The following CNTN5 variants were observed in gnomAD, a reference collection of about 807,000 sequenced individuals.
The protein encoded by CNTN5 is contactin-5.
CNTN5 carries 77 observed loss-of-function variants against 129.1 expected under a neutral mutation model. The ratio of observed to expected loss-of-function variants is 0.60; its 90% CI spans 0.50 to 0.72. CNTN5 has a LOEUF of 0.72. CNTN5 is among the 30% of genes least tolerant of loss of function. CNTN5 has a pLI of 0.00. For missense variants in CNTN5, 1,478 were observed against 1,328.8 expected (o/e 1.11, Z -1.75); for synonymous variants, 509 against 465.6 (o/e 1.09, Z -1.20).
intron 2 of CNTN5, among the ~76,000 whole-genome samples, chr11:99,339,759 G>A (rs989752977): frequency 1.8e-4 from 27 of 148,468 alleles, no homozygotes; most frequent in African/African-American, 6.0e-4. Context: ...TCCAGCCTGC[G>A]CTACAGAGTG....
intron 9 of CNTN5, among the ~76,000 whole-genome samples, chr11:100,058,012 C>A (rs887609605): frequency 6.6e-6 from 1 of 152,040 alleles, no homozygotes; most frequent in Non-Finnish European, 1.5e-5. Context: ...GCAGAGCTAC[C>A]TCTATACCCA....
At chr11:99,670,313 A>G (rs1474731413) in intron 3 of CNTN5, among the ~76,000 whole-genome samples, 2 of 152,182 alleles carry the variant, frequency 1.3e-5, no homozygotes, top group East Asian at 3.9e-4. Context: ...GGCTATTTAA[A>G]GAAATCCCCA....
At chr11:99,924,140 G>T (rs1157993142) in intron 7 of CNTN5, among the ~76,000 whole-genome samples, 1 of 152,184 alleles carries the variant, frequency 6.6e-6, no homozygotes, top group Non-Finnish European at 1.5e-5. Flanking sequence ...GCTGGTATAA[G>T]ATGGTATCTC....
At chr11:99,906,348 G>C (rs996708134) in intron 6 of CNTN5, among the ~76,000 whole-genome samples, 13 of 152,032 alleles carry the variant, frequency 8.6e-5, no homozygotes, top group African/African-American at 2.9e-4. Flanking sequence ...AGCATGAAGG[G>C]GTGGGGTGTT....
chr11:100,147,278 G>A (rs1218851364), intron 13 of CNTN5, among the ~76,000 whole-genome samples: 1 of 152,054 alleles, frequency 6.6e-6, no homozygotes, highest in Non-Finnish European at 1.5e-5. Context: ...GCATTCATAG[G>A]GGAAAGGAAT....
chr11:100,111,284 C>T (rs746542507), intron 13 of CNTN5, among the ~76,000 whole-genome samples: 3 of 151,156 alleles, frequency 2.0e-5, no homozygotes, highest in Non-Finnish European at 4.4e-5. Flanking sequence ...CAGTTAAATT[C>T]TCCAGTTACC....
At chr11:99,709,712 A>C (rs1489058893) in intron 3 of CNTN5, among the ~76,000 whole-genome samples, 3 of 151,842 alleles carry the variant, frequency 2.0e-5, no homozygotes, top group Non-Finnish European at 2.9e-5. Flanking sequence ...GGTAAATTTT[A>C]ATAGAAGTTT....
At chr11:99,468,786 G>A (rs1381182754) in intron 2 of CNTN5, among the ~76,000 whole-genome samples, 2 of 149,298 alleles carry the variant, frequency 1.3e-5, no homozygotes, top group East Asian at 3.9e-4. Flanking sequence ...CCAGGCTGGA[G>A]TGCAATGTTG....
chr11:99,998,181 A>G (rs936314207), intron 8 of CNTN5, among the ~76,000 whole-genome samples: 9 of 151,960 alleles, frequency 5.9e-5, no homozygotes, highest in African/African-American at 2.2e-4. Flanking sequence ...AAGGGAATAA[A>G]GGGTCTTCAA....
In CNTN5 at chr11:100,108,137, G is replaced by T. The variant is rs140052975; in HGVS notation, c.1580+33843G>T. ...TGAGGTCATACTTGTGCAAATCCCA[G>T]AAGGCCAAGCTGAGAACGGCACCTG... On this transcript the variant is annotated intron_variant, in intron 13 of 24. Transcript: ENST00000524871. 1.8e-4 allele frequency among the ~76,000 whole-genome samples: 27 copies of T among 152,004 alleles called. No individual in the cohort carries two copies. The East Asian group carries it at 5.3e-3, about 30-fold the overall frequency.
chr11:99,264,007 T>C (rs1477863152), intron 1 of CNTN5, among the ~76,000 whole-genome samples: 1 of 152,014 alleles, frequency 6.6e-6, no homozygotes, highest in Admixed American at 6.6e-5. Flanking sequence ...CTGGCTGTAT[T>C]TTTCTGGTAC....
chr11:99,111,306 A>G (rs1222827168), intron 1 of CNTN5, among the ~76,000 whole-genome samples: 3 of 151,624 alleles, frequency 2.0e-5, no homozygotes, highest in Middle Eastern at 6.8e-3. Flanking sequence ...GTGTGTGTGT[A>G]GGTGTGTGTG....
intron 21 of CNTN5, chr11:100,308,847 T>A (rs1437389427): frequency 2.7e-5 from 27 of 985,898 alleles, no homozygotes; most frequent in Non-Finnish European, 3.1e-5. Flanking sequence ...TATTGGTATC[T>A]CTTACCCTCA....
At chr11:99,926,257 A>AC (rs1285955717) in intron 7 of CNTN5, among the ~76,000 whole-genome samples, 1 of 152,160 alleles carries the variant, frequency 6.6e-6, no homozygotes, top group Non-Finnish European at 1.5e-5. Flanking sequence ...CATCAAGCTG[A>AC]CAAGGCAACT....
At chr11:99,382,124 C>T (rs999132339) in intron 2 of CNTN5, among the ~76,000 whole-genome samples, 4 of 152,086 alleles carry the variant, frequency 2.6e-5, no homozygotes, top group African/African-American at 7.2e-5. Context: ...CAATAATCAG[C>T]GAAACTTGGT....
chr11:99,890,603 T>C (rs181540283), intron 6 of CNTN5, among the ~76,000 whole-genome samples: 3 of 152,136 alleles, frequency 2.0e-5, no homozygotes, highest in African/African-American at 7.2e-5. Context: ...TTGAAAGAAT[T>C]ACTAAAAGGA....
At chr11:99,831,089 G>A (rs544510037) in intron 4 of CNTN5, among the ~76,000 whole-genome samples, 1 of 152,240 alleles carries the variant, frequency 6.6e-6, no homozygotes, top group Non-Finnish European at 1.5e-5. Context: ...GTGAATCTTA[G>A]GTTGGTGTAA....
chr11:99,059,983 G>T (rs1864807428), intron 1 of CNTN5, among the ~76,000 whole-genome samples: 1 of 151,964 alleles, frequency 6.6e-6, no homozygotes, highest in Non-Finnish European at 1.5e-5. Context: ...CAATTTCATA[G>T]TAAGATACAT....
intron 6 of CNTN5, among the ~76,000 whole-genome samples, chr11:99,893,822 C>T (rs540279567): frequency 1.3e-5 from 2 of 152,144 alleles, no homozygotes; most frequent in East Asian, 3.9e-4. Context: ...TTAACATAAG[C>T]ATATTTATAT....
Sources: gnomAD v4.1 joint callset for allele counts (sites outside exome capture counted in the v4.1 genomes callset) on GRCh38, gnomAD v4.1.1 for gene constraint, MANE v1.5 for transcripts, NCBI Gene and HGNC (gene_info 2026-07-23, HGNC 2026-07-21) for gene names.